The following GIMAP2 variants were observed in gnomAD, a reference collection of about 807,000 sequenced individuals.
GIMAP2 encodes the protein GTPase IMAP family member 2.
In GIMAP2, 22 loss-of-function variants were observed where a neutral mutation model predicts 25.5. The ratio of observed to expected loss-of-function variants is 0.86; its 90% confidence interval spans 0.62 to 1.23. The LOEUF is 1.23. Among genes scored for constraint, GIMAP2 ranks in the 50% most tolerant of loss-of-function variants. GIMAP2 has a pLI of 0.00. For synonymous variants in GIMAP2, 167 were observed against 143.0 expected, an observed-to-expected ratio of 1.17 and a Z score of -1.20; for missense variants, 422 against 395.7, an observed-to-expected ratio of 1.07 and a Z score of -0.56.
At chr7:150,686,625 C>G (rs1166669258) in intron 1 of GIMAP2, among the ~76,000 whole-genome samples, 1 of 152,056 alleles carries the variant, frequency 6.6e-6, no homozygotes, top group African/African-American at 2.4e-5. Flanking sequence ...TATGAGTAGA[C>G]AAATGAAACA....
intron 2 of GIMAP2, among the ~76,000 whole-genome samples, chr7:150,688,397 C>T (rs1342146950): frequency 6.6e-6 from 1 of 152,182 alleles, no homozygotes; most frequent in Non-Finnish European, 1.5e-5. Context: ...TCCCAAAGTG[C>T]TGGGATTACA....
At chr7:150,686,844 T>C (rs1796906159) in intron 1 of GIMAP2, among the ~76,000 whole-genome samples, 2 of 147,870 alleles carry the variant, frequency 1.4e-5, no homozygotes, top group Middle Eastern at 3.4e-3. Context: ...CTCGGGAGGC[T>C]GAGGCAGGAG....
In GIMAP2 at chr7:150,693,211, T is replaced by C; in HGVS notation, c.925T>C (p.Phe309Leu). 1 of 1,610,758 alleles carries C rather than the reference T, an allele frequency of 6.2e-7. No individual in the cohort carries two copies. The highest frequency in any genetic ancestry group is 8.5e-7 in the Non-Finnish European group (1 of 1,178,360). The stretch of plus-strand genomic sequence containing the variant: ...CTTACTCTTTAGTATGTGCAATTTA[T>C]TCTGCAGTTTGCTGTTTATTATACC... ...CCLLFSMCNL[F>L]CSLLFIIPKK... Residue 309 changes from phenylalanine (F) to leucine (L), a missense_variant, in exon 3 of 3, where the codon TTC (phenylalanine) becomes CTC (leucine). Phe to Leu is a conservative substitution (Grantham distance 22). Coordinates refer to ENST00000223293, the MANE Select transcript of GIMAP2 (RefSeq NM_015660.3).
rs1245819088 is a variant in GIMAP2, at chr7:150,687,053, A to AAC, written c.-4_-3dup. 27 of 1,606,890 alleles carry AAC rather than the reference A, an allele frequency of 1.7e-5. No homozygotes were observed. The highest frequency in any genetic ancestry group is 2.1e-5 in the Non-Finnish European group (25 of 1,174,506). ...GTTTCTTGTCTCTCTGTTTCTCAGG[A>AAC]ACACCAATGGACCAAAATGAACACA... On this transcript the variant is annotated splice_region_variant and 5_prime_UTR_variant, in exon 2 of 3. Transcript: ENST00000223293.
chr7:150,687,164 TCTG>T (rs1176448833), intron 2 of GIMAP2, 77 bp downstream of exon 2: 17 of 1,220,770 alleles, frequency 1.4e-5, no homozygotes, highest in Non-Finnish European at 1.9e-5. Flanking sequence ...GTTTGGCTCT[TCTG>T]ATGATGTTGG....
At chr7:150,690,483 T>A (rs774178077) in intron 2 of GIMAP2, among the ~76,000 whole-genome samples, 9 of 152,162 alleles carry the variant, frequency 5.9e-5, no homozygotes, top group Non-Finnish European at 1.3e-4. Flanking sequence ...CTAAATCATA[T>A]CATTGCTAGG....
Position 150,692,966 on chromosome 7 carries a change from G to A in GIMAP2, c.680G>A (p.Cys227Tyr). The A allele has an allele frequency of 6.2e-7, 1 of 1,613,600 alleles. No individual in the cohort carries two copies. Among genetic ancestry groups the A allele is most frequent in the Non-Finnish European group, 8.5e-7 (1 of 1,179,466 alleles). Residue 227 changes from cysteine to tyrosine, a missense_variant, in exon 3 of 3, where the codon TGT becomes TAT. Coordinates refer to ENST00000223293, the MANE Select transcript of GIMAP2 (RefSeq NM_015660.3). ...TACAGCCTAATACAGAGGTCTAAAT[G>A]TGGACCTGTGGGATCAGATGAAAGA... The part of the protein sequence containing the change: ...GLYSLIQRSK[C>Y]GPVGSDERVK...
At position 150,692,709 on chromosome 7, in the gene GIMAP2, A is replaced by T. The variant is rs1283217885; in HGVS notation, c.423A>T (p.Thr141=). Residue 141 remains threonine (T), a synonymous_variant, in exon 3 of 3, where the codon ACA becomes ACT. Transcript: ENST00000223293. ...TTGGAGAGGATGCCATGGGACACAC[A>T]ATTGTCCTCTTTACCCACAAGGAAG... ...EIFGEDAMGH[T]IVLFTHKEDL... 6.2e-7 allele frequency: 1 copy of T among 1,614,148 alleles called. No homozygotes were observed. Among genetic ancestry groups the T allele is most frequent in the Non-Finnish European group, 8.5e-7 (1 of 1,180,028 alleles).
chr7:150,687,752 T>C (rs1398033142), intron 2 of GIMAP2, among the ~76,000 whole-genome samples: 1 of 152,048 alleles, frequency 6.6e-6, no homozygotes, highest in Non-Finnish European at 1.5e-5. Context: ...TCTCTGTCTT[T>C]CTGTCTGTCT....
In GIMAP2 at chr7:150,692,891, T is replaced by C. The variant is rs138926685; in HGVS notation, c.605T>C (p.Ile202Thr). The C allele has an allele frequency of 5.6e-6, 9 of 1,614,188 alleles. No individual in the cohort carries two copies. The highest frequency in any genetic ancestry group is 2.2e-5 in the East Asian group (1 of 44,886). Residue 202 changes from isoleucine to threonine, a missense_variant, in exon 3 of 3, where the codon ATT becomes ACT. Physicochemically the swap from Ile to Thr is moderately conservative, Grantham distance 89. Transcript: ENST00000223293. The part of the protein sequence containing the change: ...DDQVKELMDC[I>T]EDLLMEKNGD... ...CAAGTGAAGGAACTAATGGACTGTA[T>C]TGAGGATCTGTTGATGGAGAAAAAT...
intron 2 of GIMAP2, chr7:150,689,793 G>C: frequency 7.1e-6 from 3 of 419,852 alleles, no homozygotes; most frequent in Non-Finnish European, 1.3e-5. Context: ...TAGAAAACGG[G>C]CAGGTTCAAA....
chr7:150,688,087 T>C (rs1016689865), intron 2 of GIMAP2, among the ~76,000 whole-genome samples: 2 of 152,242 alleles, frequency 1.3e-5, no homozygotes, highest in Admixed American at 1.3e-4. Context: ...TTTTTTTTCC[T>C]CCCAGCCACT....
rs1365443912 is a variant in GIMAP2, at chr7:150,693,143, T to C, written c.857T>C (p.Leu286Pro). The C allele has an allele frequency of 9.9e-6, 16 of 1,613,618 alleles. No homozygotes were observed. Among genetic ancestry groups the C allele is most frequent in the African/African-American group, 1.3e-5 (1 of 74,962 alleles). Residue 286 changes from leucine to proline, a missense_variant, in exon 3 of 3, where the codon CTG becomes CCG. Coordinates refer to ENST00000223293, the MANE Select transcript of GIMAP2 (RefSeq NM_015660.3). ...CIQLFLRLII[L>P]WLCILHSMCN... ...CAGTTGTTTCTCAGATTGATAATTC[T>C]GTGGCTTTGCATACTGCACAGCATG...
rs776747435 is a variant in GIMAP2 at position 150,692,331 on chromosome 7, C to T, written c.45C>T (p.Gly15=). The T allele has an allele frequency of 1.9e-6, 3 of 1,613,696 alleles. No individual in the cohort carries two copies. In the South Asian group the frequency reaches 3.3e-5, roughly 18 times the overall value. Residue 15 remains glycine, a synonymous_variant, in exon 3 of 3, where the codon GGC becomes GGT. Transcript: ENST00000223293. ...EHSHWGPHAK[G]QCASRSELRI... is the part of the protein sequence containing the mutation. ...TCCTCACAGGACCACATGCAAAGGG[C>T]CAATGTGCCAGCAGATCTGAGCTGA... is the stretch of plus-strand genomic sequence containing the variant.
In GIMAP2 at chr7:150,692,793, C is replaced by T; in HGVS notation, c.507C>T (p.Ser169=). Residue 169 remains serine, a synonymous_variant, in exon 3 of 3, where the codon AGC becomes AGT. Transcript: ENST00000223293. ...YMHDSDNKAL[S]KLVAACGGRI... is the part of the protein sequence containing the mutation. The stretch of plus-strand genomic sequence containing the variant: ...ACGACTCAGATAACAAAGCCCTAAG[C>T]AAGCTGGTGGCAGCATGTGGTGGGC... 6.2e-7 allele frequency: 1 copy of T among 1,614,212 alleles called. No homozygotes were observed. Among genetic ancestry groups the T allele is most frequent in the South Asian group, 1.1e-5 (1 of 91,088 alleles).
intron 2 of GIMAP2, chr7:150,689,757 A>G (rs942462160): frequency 2.7e-5 from 14 of 523,386 alleles, no homozygotes; most frequent in Middle Eastern, 4.8e-4. Flanking sequence ...GCGTAGCAGC[A>G]TGGCAAAGCA....
At chr7:150,688,101 T>A (rs760205096) in intron 2 of GIMAP2, among the ~76,000 whole-genome samples, 3 of 152,088 alleles carry the variant, frequency 2.0e-5, no homozygotes, top group Non-Finnish European at 4.4e-5. Context: ...AGCCACTGAC[T>A]CTTATTATGC....
In GIMAP2 at chr7:150,692,530, T is replaced by C. The variant is rs938916927; in HGVS notation, c.244T>C (p.Phe82Leu). Residue 82 changes from phenylalanine to leucine, a missense_variant, in exon 3 of 3, where the codon TTT becomes CTT. Physicochemically the swap from Phe to Leu is conservative, Grantham distance 22 (BLOSUM62 0). Transcript: ENST00000223293. ...TGTCATTATTGACACACCAGATATG[T>C]TTTCTTGGAAGGACCACTGTGAAGC... is the stretch of plus-strand genomic sequence containing the variant. ...EIVIIDTPDM[F>L]SWKDHCEALY... is the part of the protein sequence containing the mutation. The C allele has an allele frequency of 1.2e-6, 2 of 1,613,984 alleles. No homozygotes were observed. Among genetic ancestry groups the C allele is most frequent in the Non-Finnish European group, 1.7e-6 (2 of 1,180,018 alleles).
intron 2 of GIMAP2, among the ~76,000 whole-genome samples, chr7:150,688,972 G>A (rs1188963712): frequency 6.6e-6 from 1 of 152,190 alleles, no homozygotes; most frequent in East Asian, 1.9e-4. Flanking sequence ...TACAAGGCAG[G>A]CCTTTGGACA....
Sources: gnomAD v4.1 joint callset for allele counts (sites outside exome capture counted in the v4.1 genomes callset) on GRCh38, gnomAD v4.1.1 for gene constraint, MANE v1.5 for transcripts, NCBI Gene and HGNC (gene_info 2026-07-23, HGNC 2026-07-21) for gene names.